Variants in KIF26B observed in about 807,000 individuals in gnomAD.
KIF26B encodes kinesin-like protein KIF26B.
KIF26B carries 63 observed loss-of-function variants against 151.2 expected under a neutral mutation model. The ratio of observed to expected loss-of-function variants is 0.42; its 90% CI spans 0.34 to 0.51. KIF26B has a LOEUF of 0.51. Ranked by LOEUF, KIF26B falls within the 20% of genes least tolerant of loss-of-function variation. KIF26B has a pLI of 0.07. For missense variants in KIF26B, 2,813 were observed against 2,913.6 expected, an observed-to-expected ratio of 0.97 and a Z score of 0.79; for synonymous variants, 1,357 against 1,262.1, an observed-to-expected ratio of 1.08 and a Z score of -1.59.
intron 3 of KIF26B, among the ~76,000 whole-genome samples, chr1:245,390,874 C>G (rs1673668185): frequency 1.7e-5 from 2 of 121,092 alleles, no homozygotes; most frequent in South Asian, 5.8e-4. Context: ...TCACTCAAGT[C>G]TGGGGAAGTT....
At chr1:245,196,973 A>C (rs1489687004) in intron 2 of KIF26B, among the ~76,000 whole-genome samples, 1 of 152,180 alleles carries the variant, frequency 6.6e-6, no homozygotes, top group Non-Finnish European at 1.5e-5. Context: ...TTGGCGGAAG[A>C]ACAATTTTGA....
At position 245,172,788 on chromosome 1, in the gene KIF26B, T is replaced by C. The variant is rs1331030277; in HGVS notation, c.465+16105T>C. Among the ~76,000 whole-genome samples, 4 of 152,020 alleles carry C rather than the reference T, an allele frequency of 2.6e-5. No individual in the cohort carries two copies. The East Asian group carries it at 5.8e-4, about 22-fold the overall frequency. On this transcript the variant is annotated intron_variant, in intron 2 of 14. Coordinates refer to ENST00000407071, the MANE Select transcript of KIF26B (RefSeq NM_018012.4). Reference sequence around the variant, plus strand: ...TTGCATCACTGCGCTCCAGCCTGGGTGACAGAGCGAGACTCCATCTCAAAA... The same window carrying C: ...TTGCATCACTGCGCTCCAGCCTGGGCGACAGAGCGAGACTCCATCTCAAAA...
chr1:245,261,319 C>T (rs1378822406), intron 2 of KIF26B, among the ~76,000 whole-genome samples: 2 of 151,926 alleles, frequency 1.3e-5, no homozygotes, highest in Non-Finnish European at 2.9e-5. Context: ...TTAGTAGAGA[C>T]AGGGTTTCTC....
chr1:245,280,582 C>T (rs1671026649), intron 2 of KIF26B, among the ~76,000 whole-genome samples: 2 of 138,492 alleles, frequency 1.4e-5, no homozygotes, highest in Admixed American at 1.5e-4. Flanking sequence ...GAAAAGGGGT[C>T]CTTGGGAAGT....
Position 245,609,348 on chromosome 1 carries a change from G to A in KIF26B, c.1734G>A (p.Lys578=). 5 of 1,611,040 alleles carry A rather than the reference G, an allele frequency of 3.1e-6. No homozygotes were observed. The highest frequency in any genetic ancestry group is 4.2e-6 in the Non-Finnish European group (5 of 1,178,716). ...IIPCAISWLF[K]LINERKEKTG... ...CCTGTGCCATCTCTTGGCTCTTCAA[G>A]CTCATAAACGAACGCAAGGAAAAGA... Residue 578 remains lysine, a synonymous_variant, in exon 8 of 15, where the codon AAG becomes AAA. Transcript: ENST00000407071.
At chr1:245,666,327 C>T (rs2044213923) in intron 10 of KIF26B, among the ~76,000 whole-genome samples, 1 of 152,154 alleles carries the variant, frequency 6.6e-6, no homozygotes, top group Admixed American at 6.5e-5. Flanking sequence ...CTATCCAATT[C>T]TTCCATCTCA....
chr1:245,461,635 G>C lies in KIF26B; in HGVS notation c.1166+41890G>C, dbSNP rs1093934. Among the ~76,000 whole-genome samples the C allele has an allele frequency of 7.0e-3, 1,058 of 152,196 alleles. 17 individuals carry two copies. Among genetic ancestry groups the C allele is most frequent in the African/African-American group, 0.024 (1,013 of 41,520 alleles). On this transcript the variant is annotated intron_variant, in intron 4 of 14. Transcript: ENST00000407071. ...CCATCCTTCACCAGGACCCATCAGA[G>C]CTTCCCCGGGGATGCTGCCCTGTGG...
chr1:245,359,319 C>T (rs1156336681), intron 2 of KIF26B, among the ~76,000 whole-genome samples: 1 of 152,120 alleles, frequency 6.6e-6, no homozygotes, highest in Admixed American at 6.6e-5. Flanking sequence ...GCGTCCAGGC[C>T]AGGTTTCTCT....
intron 3 of KIF26B, among the ~76,000 whole-genome samples, chr1:245,391,331 G>A (rs535256126): frequency 1.2e-4 from 18 of 152,230 alleles, no homozygotes; most frequent in Middle Eastern, 3.4e-3. Flanking sequence ...GATTTTTAGT[G>A]TAGTTTCTAA....
In KIF26B at chr1:245,687,471, G is replaced by C. The variant is rs1172829885; in HGVS notation, c.4488G>C (p.Glu1496Asp). Residue 1496 changes from glutamate (E) to aspartate (D), a missense_variant, in exon 12 of 15, where the codon GAG (glutamate) becomes GAC (aspartate). By Grantham distance (45) the Glu-to-Asp change is conservative. Around this residue, in one of 3 missense-constraint regions of KIF26B, gnomAD observed 2,060 missense variants for 2,088.6 expected, o/e 0.99. Coordinates refer to ENST00000407071, the MANE Select transcript of KIF26B (RefSeq NM_018012.4). This position sits in a 1 kb window ranked among gnomAD's most constrained non-coding sequence, Gnocchi z 4.9. ...PGDRLSSSSGEVSASPVTDNF... is the reference protein window; with the variant it reads ...PGDRLSSSSGDVSASPVTDNF... ...ACAGGCTCAGCAGCAGCAGCGGAGA[G>C]GTGTCGGCCTCCCCGGTCACTGACA... 1.3e-6 allele frequency: 2 copies of C among 1,586,290 alleles called. No individual in the cohort carries two copies. Among genetic ancestry groups the C allele is most frequent in the Non-Finnish European group, 1.7e-6 (2 of 1,166,692 alleles).
intron 2 of KIF26B, among the ~76,000 whole-genome samples, chr1:245,162,053 G>T (rs1345573220): frequency 1.3e-5 from 2 of 152,144 alleles, no homozygotes; most frequent in African/African-American, 2.4e-5. Flanking sequence ...AGAAAACCCT[G>T]CCCGAGGGCC....
chr1:245,233,074 T>A (rs1670030728), intron 2 of KIF26B, among the ~76,000 whole-genome samples: 1 of 152,240 alleles, frequency 6.6e-6, no homozygotes, highest in Non-Finnish European at 1.5e-5. Context: ...ATCTCACTTG[T>A]GGAAACTAAC....
In KIF26B at chr1:245,576,483, C is replaced by T. The variant is rs556136922; in HGVS notation, c.1351-26094C>T. The stretch of plus-strand genomic sequence containing the variant: ...GACCTGTGAGGTCAGCCTCTGTCAG[C>T]GTGACAGCCCAGTGGGAGGGGGCCC... On this transcript the variant is annotated intron_variant, in intron 5 of 14. Transcript: ENST00000407071. Among the ~76,000 whole-genome samples, 216 of 152,280 alleles carry T rather than the reference C, an allele frequency of 1.4e-3. 1 individual carries two copies. Among genetic ancestry groups the T allele is most frequent in the African/African-American group, 5.0e-3 (207 of 41,542 alleles).
chr1:245,376,072 A>G (rs1673266279), intron 3 of KIF26B, among the ~76,000 whole-genome samples: 1 of 151,764 alleles, frequency 6.6e-6, no homozygotes, highest in South Asian at 2.1e-4. Context: ...AATCATTCCA[A>G]GCTGGGGGTG....
chr1:245,440,908 C>T (rs1659064364), intron 4 of KIF26B, among the ~76,000 whole-genome samples: 1 of 152,152 alleles, frequency 6.6e-6, no homozygotes, highest in Non-Finnish European at 1.5e-5. Flanking sequence ...AGGATGACCT[C>T]AGGTGTCCCA....
intron 3 of KIF26B, among the ~76,000 whole-genome samples, chr1:245,374,418 C>T (rs1415597887): frequency 3.3e-5 from 5 of 151,860 alleles, no homozygotes; most frequent in Admixed American, 6.6e-5. Flanking sequence ...TATACACGTG[C>T]TCTTCCCGGC....
chr1:245,697,392 GTGTGAAA>G (rs376644582), intron 12 of KIF26B, among the ~76,000 whole-genome samples: 1 of 152,332 alleles, frequency 6.6e-6, no homozygotes, highest in Non-Finnish European at 1.5e-5. Context: ...CGTGTGAAGT[GTGTGAAA>G]TAGTACCAGG....
At chr1:245,437,279 C>G (rs1318264734) in intron 4 of KIF26B, among the ~76,000 whole-genome samples, 2 of 152,174 alleles carry the variant, frequency 1.3e-5, no homozygotes, top group African/African-American at 4.8e-5. Context: ...CTGCCGAGCT[C>G]CCGTGTTCCA....
intron 2 of KIF26B, among the ~76,000 whole-genome samples, chr1:245,361,394 T>A (rs749800048): frequency 6.6e-6 from 1 of 152,118 alleles, no homozygotes; most frequent in Admixed American, 6.5e-5. Flanking sequence ...CTCTGGAGAG[T>A]GTTTTTTTCT....
Sources: allele counts gnomAD v4.1 joint callset (sites outside exome capture counted in the v4.1 genomes callset), GRCh38; gene constraint gnomAD v4.1.1; regional missense constraint gnomAD v4.1.1; non-coding constraint Gnocchi (gnomAD v3.1); transcripts MANE v1.5; gene names NCBI Gene and HGNC (gene_info 2026-07-23, HGNC 2026-07-21).